Variants in NCAPD3 observed in about 807,000 individuals in gnomAD.
NCAPD3 encodes the protein non-SMC condensin II complex subunit D3, also known as condensin-2 complex subunit D3.
Under a neutral mutation model 182.9 loss-of-function variants are expected in NCAPD3, and 105 were observed. That is an observed-to-expected ratio of 0.57 (90% CI 0.49 to 0.68). The LOEUF (loss-of-function observed/expected upper bound fraction) is 0.68, where lower values mean the gene tolerates loss of function less well. Among genes scored for constraint, NCAPD3 ranks in the 30% least tolerant of loss-of-function variants. The pLI, the probability that NCAPD3 is intolerant of heterozygous loss-of-function variation, is 0.00. For synonymous variants in NCAPD3, 815 were observed against 679.9 expected (o/e 1.20, Z -3.09); for missense variants, 1,944 against 1,837.0 (o/e 1.06, Z -1.07).
chr11:134,183,455 C>G (rs1944338788), intron 19 of NCAPD3, among the ~76,000 whole-genome samples: 1 of 152,156 alleles, frequency 6.6e-6, no homozygotes, highest in Admixed American at 6.6e-5. Context: ...GTAATCCCAG[C>G]TACTCGGGAG....
chr11:134,203,111 T>G (rs1944783263), intron 12 of NCAPD3, 31 bp downstream of exon 12: 1 of 1,476,242 alleles, frequency 6.8e-7, no homozygotes, highest in Admixed American at 1.8e-5. Flanking sequence ...AAGATAATCA[T>G]TCAATATTTG....
chr11:134,223,440 T>C (rs918802374), intron 1 of NCAPD3: 1 of 702,414 alleles, frequency 1.4e-6, no homozygotes, highest in Non-Finnish European at 2.6e-6. Context: ...TTTTCACTCA[T>C]GTGACGTTTG....
At chr11:134,168,695 C>A in intron 25 of NCAPD3, 93 bp from the exon 26 acceptor site, 2 of 1,537,578 alleles carry the variant, frequency 1.3e-6, no homozygotes, top group Non-Finnish European at 8.8e-7. Flanking sequence ...AAGCTGCATG[C>A]CAAAGACTCC....
intron 13 of NCAPD3, among the ~76,000 whole-genome samples, chr11:134,200,179 T>C (rs1033912497): frequency 6.6e-6 from 1 of 152,174 alleles, no homozygotes; most frequent in Non-Finnish European, 1.5e-5. Context: ...CTTTGTGACT[T>C]TGGATTACAC....
At chr11:134,191,867 G>A (rs150044883) in intron 16 of NCAPD3, among the ~76,000 whole-genome samples, 11 of 152,294 alleles carry the variant, frequency 7.2e-5, no homozygotes, top group East Asian at 1.9e-4. Context: ...ATGCACAGCC[G>A]GAAGGTGATT....
upstream of NCAPD3, chr11:134,225,320 C>G: frequency 6.2e-7 from 1 of 1,613,988 alleles, no homozygotes; most frequent in Non-Finnish European, 8.5e-7. Flanking sequence ...ACCAGGGCAT[C>G]AAGATCGAGT....
chr11:134,169,488 C>A (rs986735672), intron 24 of NCAPD3, among the ~76,000 whole-genome samples: 1 of 152,168 alleles, frequency 6.6e-6, no homozygotes, highest in Non-Finnish European at 1.5e-5. Flanking sequence ...CAATTATGAA[C>A]AAAAACCAAT....
chr11:134,206,541 G>T, intron 8 of NCAPD3, 58 bp downstream of exon 8: 1 of 1,586,474 alleles, frequency 6.3e-7, no homozygotes, highest in South Asian at 1.2e-5. Context: ...TCTTAGTGCA[G>T]GGCCCAGAGT....
intron 28 of NCAPD3, among the ~76,000 whole-genome samples, chr11:134,160,912 TTAAG>T (rs1406288931): frequency 1.3e-5 from 2 of 151,928 alleles, no homozygotes; most frequent in South Asian, 4.1e-4. Context: ...TCTTAAGTGT[TTAAG>T]TAGTCTATGT....
chr11:134,208,822 T>C, intron 7 of NCAPD3, 42 bp downstream of exon 7: 1 of 1,365,304 alleles, frequency 7.3e-7, no homozygotes, highest in Non-Finnish European at 1.0e-6. Context: ...TCATGTGCCT[T>C]CGATTCAACT....
chr11:134,216,701 A>G (rs1591865615), intron 3 of NCAPD3, among the ~76,000 whole-genome samples: 1 of 151,986 alleles, frequency 6.6e-6, no homozygotes, highest in Non-Finnish European at 1.5e-5. Context: ...TTCTCAGACT[A>G]TTTTTATTAG....
intron 22 of NCAPD3, 32 bp downstream of exon 22, chr11:134,178,602 T>G (rs778073447): frequency 6.2e-6 from 9 of 1,461,432 alleles, no homozygotes; most frequent in Non-Finnish European, 8.3e-6. Context: ...CACAGAACGA[T>G]GTCAAGCCCC....
At position 134,154,704 on chromosome 11, in the gene NCAPD3, G is replaced by A. The variant is rs569835665; in HGVS notation, c.4253-1341C>T. 5.3e-5 allele frequency among the ~76,000 whole-genome samples: 8 copies of A among 152,316 alleles called. No homozygotes were observed. The South Asian group carries it at 1.0e-3, about 20-fold the overall frequency. On this transcript the variant is annotated intron_variant, in intron 32 of 34. Coordinates refer to ENST00000534548, the MANE Select transcript of NCAPD3 (RefSeq NM_015261.3). The stretch of plus-strand genomic sequence containing the variant: ...AGCACGGGCTGGGCAGCTGCTTGCT[G>A]GTACCACTGAACCTGCTGCCCTTCT...
chr11:134,219,586 G>A (rs1301961360), intron 2 of NCAPD3, among the ~76,000 whole-genome samples: 2 of 152,024 alleles, frequency 1.3e-5, no homozygotes, highest in African/African-American at 2.4e-5. Context: ...ACTTGGAAGT[G>A]AATTTTTTTT....
chr11:134,181,688 T>C (rs1222854176), intron 19 of NCAPD3, among the ~76,000 whole-genome samples: 1 of 152,218 alleles, frequency 6.6e-6, no homozygotes, highest in Non-Finnish European at 1.5e-5. Flanking sequence ...TGACTTCTAG[T>C]GCACATTGGA....
At chr11:134,177,633 T>A (rs1185329078) in intron 22 of NCAPD3, 176 bp from the exon 23 acceptor site, 2 of 600,918 alleles carry the variant, frequency 3.3e-6, no homozygotes, top group Non-Finnish European at 5.9e-6. Flanking sequence ...AATAGTCGAA[T>A]AAAAATACCT....
intron 23 of NCAPD3, among the ~76,000 whole-genome samples, chr11:134,176,742 G>A (rs1944177558): frequency 6.6e-6 from 1 of 152,226 alleles, no homozygotes; most frequent in Admixed American, 6.5e-5. Context: ...TGGGCTCTCA[G>A]TGTGTATAAA....
rs80284640 is a variant in NCAPD3, at chr11:134,190,601, C to T, written c.2045+2088G>A. 8.5e-3 allele frequency among the ~76,000 whole-genome samples: 1,289 copies of T among 152,276 alleles called. 22 individuals carry two copies. The highest frequency in any genetic ancestry group is 0.029 in the African/African-American group (1,216 of 41,568). On this transcript the variant is annotated intron_variant, in intron 16 of 34. Coordinates refer to ENST00000534548, the MANE Select transcript of NCAPD3 (RefSeq NM_015261.3). ...TCCTGGGCTGAAGCGATCATCCCAC[C>T]ACAGCCTCCCAAGTAGCTGGGACTA... is the stretch of plus-strand genomic sequence containing the variant.
chr11:134,207,540 G>C (rs149349781), intron 7 of NCAPD3, among the ~76,000 whole-genome samples: 19 of 152,164 alleles, frequency 1.2e-4, no homozygotes, highest in African/African-American at 4.6e-4. Context: ...GAGGTCAAGA[G>C]ATCAAGACCA....
Sources: allele counts gnomAD v4.1 joint callset (sites outside exome capture counted in the v4.1 genomes callset), GRCh38; gene constraint gnomAD v4.1.1; transcripts MANE v1.5; gene names NCBI Gene and HGNC (gene_info 2026-07-23, HGNC 2026-07-21).